Variants in SLC6A3 observed in about 807,000 individuals in gnomAD.
The protein encoded by SLC6A3 is sodium-dependent dopamine transporter.
A neutral mutation model predicts 70.4 loss-of-function variants in SLC6A3; 19 were observed. That is an observed-to-expected ratio of 0.27 (90% CI 0.19 to 0.40). The LOEUF is 0.40. Among genes scored for constraint, SLC6A3 ranks in the 10% least tolerant of loss-of-function variants. The pLI, the probability that SLC6A3 is intolerant of heterozygous loss-of-function variation, is 1.00. For synonymous variants in SLC6A3, 368 were observed against 356.6 expected (o/e 1.03, Z -0.36); for missense variants, 613 against 838.5 (o/e 0.73, Z 3.32).
intron 10 of SLC6A3, 94 bp downstream of exon 10, chr5:1,409,627 G>A: frequency 2.0e-6 from 3 of 1,476,382 alleles, no homozygotes; most frequent in Non-Finnish European, 2.8e-6. Flanking sequence ...AAGTGCTGCG[G>A]TTCTGTCTGG....
chr5:1,395,022 G>A (rs1016157491), intron 14 of SLC6A3, among the ~76,000 whole-genome samples: 1 of 152,222 alleles, frequency 6.6e-6, no homozygotes, highest in Non-Finnish European at 1.5e-5. Context: ...TGGCGTGGTG[G>A]CCATGGTGGC....
rs1560905443 is a variant in SLC6A3, at chr5:1,401,190, A to G, written c.1768-204T>C. Reference sequence around the variant, plus strand: ...CAGTGCCCATGCCGACCAGACAGCCAGTCAGGCCCGAAGCCAACATCCTGA... The same window carrying G: ...CAGTGCCCATGCCGACCAGACAGCCGGTCAGGCCCGAAGCCAACATCCTGA... On this transcript the variant is annotated intron_variant, in intron 13 of 14. Coordinates refer to ENST00000270349, the MANE Select transcript of SLC6A3 (RefSeq NM_001044.5). The surrounding 1 kb of genome is among the most constrained non-coding windows in gnomAD (Gnocchi z 6.1). The G allele has an allele frequency of 1.4e-6, 1 of 700,296 alleles. No individual in the cohort carries two copies. Among genetic ancestry groups the G allele is most frequent in the Non-Finnish European group, 2.6e-6 (1 of 383,630 alleles). 43.4% of individuals were successfully genotyped at this position (700,296 alleles called of 1,614,324 possible). A position where few individuals can be genotyped will look rare whatever the true frequency, so the allele number is the denominator to read the frequency against.
chr5:1,415,074 C>T (rs1267352080), intron 7 of SLC6A3, among the ~76,000 whole-genome samples: 1 of 152,080 alleles, frequency 6.6e-6, no homozygotes, highest in African/African-American at 2.4e-5. Flanking sequence ...CCCTGTGCCC[C>T]GCGAGTCTTG....
intron 12 of SLC6A3, among the ~76,000 whole-genome samples, chr5:1,403,712 G>A (rs1243549309): frequency 6.6e-6 from 1 of 152,028 alleles, no homozygotes; most frequent in African/African-American, 2.4e-5. Flanking sequence ...TCTGAGCTCC[G>A]TATCTCTACT....
rs937929787 is a variant in SLC6A3 at position 1,406,543 on chromosome 5, G to A, written c.1499-255C>T. 2.6e-5 allele frequency among the ~76,000 whole-genome samples: 4 copies of A among 152,244 alleles called. No individual in the cohort carries two copies. The highest frequency in any genetic ancestry group is 4.8e-5 in the African/African-American group (2 of 41,560). On this transcript the variant is annotated intron_variant, in intron 11 of 14. Transcript: ENST00000270349. This position sits in a 1 kb window ranked among gnomAD's most constrained non-coding sequence, Gnocchi z 8.8. Reference sequence around the variant, plus strand: ...CCGTGCCCCGGTGGGTGCTCCCCGCGCCCCGGCAACAGCCCCTCGGGTCCT... The same window carrying A: ...CCGTGCCCCGGTGGGTGCTCCCCGCACCCCGGCAACAGCCCCTCGGGTCCT...
chr5:1,420,009 C>T lies in SLC6A3; in HGVS notation c.927+560G>A, dbSNP rs571913934. Among the ~76,000 whole-genome samples the T allele has an allele frequency of 1.7e-3, 262 of 152,308 alleles. 2 individuals are homozygous for T. The highest frequency in any genetic ancestry group is 6.1e-3 in the African/African-American group (255 of 41,550). ...CCGGCCCACCCACACAGGGCAGCAC[C>T]TCTCAACGGCCTCCTGCCTCATACC... On this transcript the variant is annotated intron_variant, in intron 6 of 14. Coordinates refer to ENST00000270349, the MANE Select transcript of SLC6A3 (RefSeq NM_001044.5).
At chr5:1,422,902 GC>G (rs1756483996) in intron 4 of SLC6A3, among the ~76,000 whole-genome samples, 1 of 90,884 alleles carries the variant, frequency 1.1e-5, no homozygotes, top group Non-Finnish European at 2.0e-5. Context: ...CCACAGTGCT[GC>G]CCATGGTGCT....
At chr5:1,439,503 T>C (rs551648951) in intron 3 of SLC6A3, among the ~76,000 whole-genome samples, 1 of 152,334 alleles carries the variant, frequency 6.6e-6, no homozygotes, top group Non-Finnish European at 1.5e-5. Context: ...TCTCAGCATT[T>C]CCACGGCTGC....
chr5:1,431,301 G>A (rs1469605034), intron 4 of SLC6A3, among the ~76,000 whole-genome samples: 2 of 152,242 alleles, frequency 1.3e-5, no homozygotes, highest in African/African-American at 2.4e-5. Context: ...GAGCTGGCAC[G>A]GGGCCCAAAA....
In SLC6A3 at chr5:1,402,866, C is replaced by G; in HGVS notation, c.1767+56G>C. Reference sequence around the variant, plus strand: ...TGAGGACTGGGGCCATGGACACCCACGGAGCCTTTCTGGTGGCCTCACACT... The same window carrying G: ...TGAGGACTGGGGCCATGGACACCCAGGGAGCCTTTCTGGTGGCCTCACACT... On this transcript the variant is annotated intron_variant, in intron 13 of 14. Coordinates refer to ENST00000270349, the MANE Select transcript of SLC6A3 (RefSeq NM_001044.5). This position sits in a 1 kb window ranked among gnomAD's most constrained non-coding sequence, Gnocchi z 8.5. 6.4e-7 allele frequency: 1 copy of G among 1,572,602 alleles called. No individual in the cohort carries two copies. The highest frequency in any genetic ancestry group is 8.7e-7 in the Non-Finnish European group (1 of 1,150,292).
rs423091 is a variant in SLC6A3 at position 1,423,245 on chromosome 5, G to C, written c.654-1231C>G. Among the ~76,000 whole-genome samples, 50 of 91,040 alleles carry C rather than the reference G, an allele frequency of 5.5e-4. 10 individuals are homozygous for C. The highest frequency in any genetic ancestry group is 0.019 in the Middle Eastern group (2 of 104). 59.7% of individuals were successfully genotyped at this position (91,040 alleles called of 152,430 possible). ...ACCGCTGCCCACGGTGCTGCCCATG[G>C]TGCTGGGTACCCACTGCTGCCCACA... is the stretch of plus-strand genomic sequence containing the variant. On this transcript the variant is annotated intron_variant, in intron 4 of 14. Transcript: ENST00000270349.
At position 1,406,853 on chromosome 5, in the gene SLC6A3, ATGTGACTCC is replaced by A. The variant is rs371113401; in HGVS notation, c.1499-574_1499-566del. On this transcript the variant is annotated intron_variant, in intron 11 of 14. Transcript: ENST00000270349. The surrounding 1 kb of genome is among the most constrained non-coding windows in gnomAD (Gnocchi z 8.8). ...CACCATCTGCTTTTTGTCTCAATGA[ATGTGACTCC>A]TGTGGGAACCTCCCGTCAGTGGAGT... is the stretch of plus-strand genomic sequence containing the variant. 7.7e-3 allele frequency among the ~76,000 whole-genome samples: 1,166 copies of A among 151,638 alleles called. 11 individuals are homozygous for A. Among genetic ancestry groups the A allele is most frequent in the Non-Finnish European group, 0.012 (835 of 67,602 alleles).
chr5:1,416,246 G>A (rs1297297860), intron 6 of SLC6A3, 45 bp from the exon 7 acceptor site: 3 of 1,468,048 alleles, frequency 2.0e-6, no homozygotes, highest in Admixed American at 1.7e-5. Flanking sequence ...GGAGAACGCA[G>A]GCCACAGGCA....
chr5:1,422,934 A>G (rs1347247316), intron 4 of SLC6A3, among the ~76,000 whole-genome samples: 14 of 48,360 alleles, frequency 2.9e-4, no homozygotes, highest in East Asian at 1.2e-3. Context: ...CGCTGCCCAC[A>G]GTGCTGCCCA....
At chr5:1,431,476 G>A (rs1259119963) in intron 4 of SLC6A3, among the ~76,000 whole-genome samples, 3 of 151,738 alleles carry the variant, frequency 2.0e-5, no homozygotes, top group Non-Finnish European at 4.4e-5. Context: ...GGCTGGGATG[G>A]ACAGTGAGGA....
chr5:1,426,149 G>A (rs1756570828), intron 4 of SLC6A3, among the ~76,000 whole-genome samples: 1 of 152,150 alleles, frequency 6.6e-6, no homozygotes, highest in South Asian at 2.1e-4. Flanking sequence ...CAACTTCTGG[G>A]TATCTACTCA....
At chr5:1,428,052 T>C (rs1033029975) in intron 4 of SLC6A3, among the ~76,000 whole-genome samples, 4 of 152,078 alleles carry the variant, frequency 2.6e-5, no homozygotes, top group African/African-American at 4.8e-5. Flanking sequence ...ACATATTCTT[T>C]CTAGGTGCAT....
At position 1,414,734 on chromosome 5, in the gene SLC6A3, C is replaced by A; in HGVS notation, c.1113G>T (p.Met371Ile). The A allele has an allele frequency of 6.2e-7, 1 of 1,612,810 alleles. No individual in the cohort carries two copies. The highest frequency in any genetic ancestry group is 1.1e-5 in the South Asian group (1 of 91,080). ...GFVVFSFLGYMAQKHSVPIGD... is the reference protein window; with the variant it reads ...GFVVFSFLGYIAQKHSVPIGD... ...CGATGGGCACACTGTGCTTCTGTGC[C>A]ATGTACCCCAGGAAGGAGAAGACGA... is the stretch of plus-strand genomic sequence containing the variant. The change falls in exon 8 of 15, where the codon ATG becomes ATT. Residue 371 changes from methionine to isoleucine, a missense_variant. By Grantham distance (10) the Met-to-Ile change is conservative. Transcript: ENST00000270349.
In SLC6A3 at chr5:1,394,733, C is replaced by T. The variant is rs1331903726; in HGVS notation, c.*2G>A. On this transcript the variant is annotated 3_prime_UTR_variant, in exon 15 of 15. Coordinates refer to ENST00000270349, the MANE Select transcript of SLC6A3 (RefSeq NM_001044.5). The surrounding 1 kb of genome is among the most constrained non-coding windows in gnomAD (Gnocchi z 4.7). Reference sequence around the variant, plus strand: ...TTCCTGGGGTCTTCGTCTCTGCTCCCTCTACACCTTGAGCCAGTGGCGGAG... The same window carrying T: ...TTCCTGGGGTCTTCGTCTCTGCTCCTTCTACACCTTGAGCCAGTGGCGGAG... 7 of 1,613,814 alleles carry T rather than the reference C, an allele frequency of 4.3e-6. No individual in the cohort carries two copies. The highest frequency in any genetic ancestry group is 5.9e-6 in the Non-Finnish European group (7 of 1,179,942).
Sources: allele counts gnomAD v4.1 joint callset (sites outside exome capture counted in the v4.1 genomes callset), GRCh38; gene constraint gnomAD v4.1.1; non-coding constraint Gnocchi (gnomAD v3.1); transcripts MANE v1.5; gene names NCBI Gene and HGNC (gene_info 2026-07-23, HGNC 2026-07-21).